The following U2AF2 variants were observed in gnomAD, a reference collection of about 807,000 sequenced individuals.
U2AF2 encodes U2 small nuclear RNA auxiliary factor 2.
Under a neutral mutation model 52.6 loss-of-function variants are expected in U2AF2, and 6 were observed. The observed-to-expected ratio is 0.11, with a 90% CI of 0.06 to 0.23. The LOEUF (loss-of-function observed/expected upper bound fraction) is 0.23. U2AF2 is among the 10% of genes least tolerant of loss of function. U2AF2 has a pLI of 1.00. For synonymous variants in U2AF2, 284 were observed against 258.2 expected (o/e 1.10, Z -0.96); for missense variants, 222 against 677.1 (o/e 0.33, Z 7.46).
chr19:55,662,713 C>G, intron 6 of U2AF2, 95 bp downstream of exon 6: 1 of 1,084,706 alleles, frequency 9.2e-7, no homozygotes, highest in Non-Finnish European at 1.4e-6. Flanking sequence ...TGTGCTGTTT[C>G]CACCAGGCCC....
chr19:55,658,086 C>T (rs1198824313), intron 1 of U2AF2, among the ~76,000 whole-genome samples: 2 of 152,172 alleles, frequency 1.3e-5, no homozygotes, highest in Non-Finnish European at 2.9e-5. Flanking sequence ...AAACGTGAGA[C>T]AAAACACTGT....
chr19:55,669,813 CCTCT>C lies in U2AF2; in HGVS notation c.1293+129_1293+132del, dbSNP rs372371862. ...TCCTCTTCTCCGCGCGCTCTTTCTT[CCTCT>C]CTCTCTCCTCTCGCAGCGCGTGCGT... On this transcript the variant is annotated intron_variant, in intron 11 of 11. Transcript: ENST00000308924. The C allele has an allele frequency of 1.1e-4, 149 of 1,385,886 alleles. No homozygotes were observed. The South Asian group carries it at 1.1e-3, about 10-fold the overall frequency. The allele number at this position is 1,385,886 out of a possible 1,614,324, so 85.8% of individuals were successfully genotyped here.
At chr19:55,658,915 C>G (rs993801701) in intron 1 of U2AF2, 3 of 333,010 alleles carry the variant, frequency 9.0e-6, no homozygotes, top group East Asian at 9.6e-5. Flanking sequence ...CCTCAGCCCT[C>G]GAGGGGGACC....
chr19:55,671,871 A>G lies in U2AF2; in HGVS notation c.1294-2063A>G, dbSNP rs183583794. 6.8e-3 allele frequency: 1,034 copies of G among 152,396 alleles called. 7 individuals carry two copies. The highest frequency in any genetic ancestry group is 9.6e-3 in the Non-Finnish European group (654 of 68,082). The allele number at this position is 152,396 out of a possible 1,614,324, so 9.4% of individuals were successfully genotyped here. A position where few individuals can be genotyped will look rare whatever the true frequency, so the allele number is the denominator to read the frequency against. ...GCCCGGCGAGGTGGCTCACGCCTGT[A>G]ATCCCAGCACTTTGGGAGGCCGAGA... On this transcript the variant is annotated intron_variant, in intron 11 of 11. Transcript: ENST00000308924.
At chr19:55,658,715 C>G (rs140666080) in intron 1 of U2AF2, 2 of 153,322 alleles carry the variant, frequency 1.3e-5, no homozygotes, top group Non-Finnish European at 2.9e-5. Context: ...TTGAGTTTCC[C>G]TGCTTCCTGG....
Position 55,660,496 on chromosome 19 carries a change from T to TGGG in U2AF2, c.231-20_231-19insGGG. 6.7e-6 allele frequency: 6 copies of TGGG among 894,566 alleles called. No homozygotes were observed. The highest frequency in any genetic ancestry group is 1.1e-5 in the Non-Finnish European group (6 of 553,296). 55.4% of individuals were successfully genotyped at this position (894,566 alleles called of 1,614,324 possible). The stretch of plus-strand genomic sequence containing the variant: ...AGACTGAGGTTGCCCTGCCCCGCTC[T>TGGG]CCCCTCCCACCTCCCCCAGTCGTTC... On this transcript the variant is annotated intron_variant, in intron 3 of 11. Coordinates refer to ENST00000308924, the MANE Select transcript of U2AF2 (RefSeq NM_007279.3).
At position 55,669,664 on chromosome 19, in the gene U2AF2, ACGGCGTCGAGGTGCC is replaced by A. The variant is rs1568554693; in HGVS notation, c.1270_1284del (p.Val424_Gly428del). On this transcript the variant is annotated inframe_deletion, in exon 11 of 12. Transcript: ENST00000308924. ...TCCATCGAGATCCCCCGGCCTGTGG[ACGGCGTCGAGGTGCC>A]CGGCTGCGGAAAGGTCAGGAGGCCT... 1 of 1,610,918 alleles carries A rather than the reference ACGGCGTCGAGGTGCC, an allele frequency of 6.2e-7. No homozygotes were observed. Among genetic ancestry groups the A allele is most frequent in the Non-Finnish European group, 8.5e-7 (1 of 1,178,872 alleles).
intron 7 of U2AF2, among the ~76,000 whole-genome samples, chr19:55,667,439 G>A (rs984475865): frequency 5.3e-5 from 8 of 152,130 alleles, no homozygotes; most frequent in Non-Finnish European, 8.8e-5. Context: ...ACAGGACGGC[G>A]TCAAGTTACA....
In U2AF2 at chr19:55,668,660, G is replaced by A; in HGVS notation, c.823-10G>A. On this transcript the variant is annotated splice_polypyrimidine_tract_variant and intron_variant, in intron 8 of 11. Transcript: ENST00000308924. This position sits in a 1 kb window ranked among gnomAD's most constrained non-coding sequence, Gnocchi z 5.5. ...TCATCCCAGCCCTGATGGACTCTCGGCTACTGCAGGTCAAAGAGCTGCTGA... is the reference window on the plus strand; with the variant it reads ...TCATCCCAGCCCTGATGGACTCTCGACTACTGCAGGTCAAAGAGCTGCTGA... The A allele has an allele frequency of 6.2e-7, 1 of 1,609,154 alleles. No homozygotes were observed. Among genetic ancestry groups the A allele is most frequent in the Non-Finnish European group, 8.5e-7 (1 of 1,176,296 alleles).
intron 6 of U2AF2, among the ~76,000 whole-genome samples, chr19:55,663,073 T>G (rs1306107244): frequency 6.6e-6 from 1 of 152,148 alleles, no homozygotes; most frequent in Non-Finnish European, 1.5e-5. Context: ...TTTTTGATTT[T>G]CGACTCTTGG....
chr19:55,667,238 G>C (rs1157791006), intron 7 of U2AF2, among the ~76,000 whole-genome samples: 1 of 152,152 alleles, frequency 6.6e-6, no homozygotes, highest in Admixed American at 6.5e-5. Context: ...CATGGGCACA[G>C]CGGCTCATGC....
chr19:55,663,230 C>T (rs371426816), intron 6 of U2AF2, among the ~76,000 whole-genome samples: 1 of 152,206 alleles, frequency 6.6e-6, no homozygotes, highest in Non-Finnish European at 1.5e-5. Context: ...AGTCCACTTG[C>T]AGTTGCATTG....
chr19:55,660,160 T>TGCCC lies in U2AF2; in HGVS notation c.186-17_186-16insGCCC. The TGCCC allele has an allele frequency of 6.3e-7, 1 of 1,595,008 alleles. No individual in the cohort carries two copies. On this transcript the variant is annotated splice_polypyrimidine_tract_variant and intron_variant, in intron 2 of 11. Transcript: ENST00000308924. ...CCCCAGTCACCCCTCCCCATACCTTTCCCTCCCACCCCCCAGCAAACCTTT... is the reference window on the plus strand; with the variant it reads ...CCCCAGTCACCCCTCCCCATACCTTTGCCCCCCTCCCACCCCCCAGCAAACCTTT...
chr19:55,659,361 G>T lies in U2AF2; in HGVS notation c.185+16G>T, dbSNP rs1984007342. 1.4e-6 allele frequency: 2 copies of T among 1,480,426 alleles called. No individual in the cohort carries two copies. Among genetic ancestry groups the T allele is most frequent in the Non-Finnish European group, 1.8e-6 (2 of 1,107,548 alleles). 91.7% of individuals were successfully genotyped at this position (1,480,426 alleles called of 1,614,324 possible). On this transcript the variant is annotated intron_variant, in intron 2 of 11. Coordinates refer to ENST00000308924, the MANE Select transcript of U2AF2 (RefSeq NM_007279.3). ...GACGACGCAGGTACTAGGGCTCAGG[G>T]ATCCCCTGGGCCAGCCTGGGAGTCG...
At chr19:55,662,470 G>GC (rs371255874) in intron 5 of U2AF2, 32 bp from the exon 6 acceptor site, 3,338 of 248,080 alleles carry the variant, frequency 0.013, 37 homozygotes, top group African/African-American at 0.091. Context: ...CCCTTCCCCC[G>GC]CCCCCCCCCT....
chr19:55,655,339 A>G (rs1191330261), intron 1 of U2AF2, among the ~76,000 whole-genome samples, 186 bp downstream of exon 1: 2 of 151,854 alleles, frequency 1.3e-5, no homozygotes, highest in African/African-American at 2.4e-5. Context: ...AGGCGAGGGG[A>G]AGGGGGCGGC....
At chr19:55,655,935 A>G (rs758585340) in intron 1 of U2AF2, among the ~76,000 whole-genome samples, 3 of 152,110 alleles carry the variant, frequency 2.0e-5, no homozygotes, top group Non-Finnish European at 4.4e-5. Flanking sequence ...TACAATCCCA[A>G]TCTCAGGGCA....
At chr19:55,673,688 TTTC>T (rs1482123332) in intron 11 of U2AF2, among the ~76,000 whole-genome samples, 1 of 152,152 alleles carries the variant, frequency 6.6e-6, no homozygotes, top group African/African-American at 2.4e-5. Context: ...CTCTGCTGAG[TTTC>T]TGGCATGTCT....
At chr19:55,670,491 C>A (rs1417032819) in intron 11 of U2AF2, 1 of 377,856 alleles carries the variant, frequency 2.6e-6, no homozygotes, top group African/African-American at 2.2e-5. Flanking sequence ...GTCCGTGCAC[C>A]CTGCTGTCCG....
Sources: gnomAD v4.1 joint callset for allele counts (sites outside exome capture counted in the v4.1 genomes callset) on GRCh38, gnomAD v4.1.1 for gene constraint, Gnocchi (gnomAD v3.1) non-coding constraint, MANE v1.5 for transcripts, NCBI Gene and HGNC (gene_info 2026-07-23, HGNC 2026-07-21) for gene names.